SS18L1: variants seen among roughly 807,000 people sequenced by gnomAD.
SS18L1 encodes calcium-responsive transactivator.
SS18L1 carries 32 observed loss-of-function variants against 70.3 expected under a neutral mutation model. That is an observed-to-expected ratio of 0.46 (90% CI 0.34 to 0.61). SS18L1 has a LOEUF of 0.61. Ranked by LOEUF, SS18L1 falls within the 20% of genes least tolerant of loss-of-function variation. SS18L1 has a pLI of 0.01. For missense variants in SS18L1, 430 were observed against 542.1 expected (o/e 0.79, Z 2.05); for synonymous variants, 237 against 229.7 (o/e 1.03, Z -0.29).
chr20:62,152,299 G>A (rs1218204132), intron 1 of SS18L1, among the ~76,000 whole-genome samples: 1 of 152,210 alleles, frequency 6.6e-6, no homozygotes, highest in Non-Finnish European at 1.5e-5. Flanking sequence ...CCAGGCCTAG[G>A]ATGGGCACAT....
chr20:62,161,391 C>T lies in SS18L1; in HGVS notation c.232-45C>T, dbSNP rs1433092727. On this transcript the variant is annotated intron_variant, in intron 3 of 10. Transcript: ENST00000331758. The surrounding 1 kb of genome is among the most constrained non-coding windows in gnomAD (Gnocchi z 4.4). ...TGGCCTGGCTTGTGGAGGTCGCTCT[C>T]CGTAAATTAACCGTTTTTCCCTGAA... is the stretch of plus-strand genomic sequence containing the variant. 1.9e-6 allele frequency: 3 copies of T among 1,612,310 alleles called. No individual in the cohort carries two copies. Among genetic ancestry groups the T allele is most frequent in the East Asian group, 4.5e-5 (2 of 44,852 alleles).
At position 62,163,608 on chromosome 20, in the gene SS18L1, G is replaced by T; in HGVS notation, c.707G>T (p.Arg236Leu). 1.3e-6 allele frequency: 2 copies of T among 1,594,998 alleles called. No homozygotes were observed. The highest frequency in any genetic ancestry group is 1.7e-6 in the Non-Finnish European group (2 of 1,173,724). The change falls in exon 6 of 11, where the codon CGG becomes CTG. Residue 236 changes from arginine (R) to leucine (L), a missense_variant. Coordinates refer to ENST00000331758, the MANE Select transcript of SS18L1 (RefSeq NM_198935.3). ...MMGQRPMAPYRPSQQGSSQQY... is the reference protein window; with the variant it reads ...MMGQRPMAPYLPSQQGSSQQY... ...GGGCAGCGGCCCATGGCGCCCTACCGGCCCTCCCAGCAAGGTAACGCCCGG... is the reference window on the plus strand; with the variant it reads ...GGGCAGCGGCCCATGGCGCCCTACCTGCCCTCCCAGCAAGGTAACGCCCGG...
chr20:62,149,217 C>T (rs541718351), intron 1 of SS18L1, among the ~76,000 whole-genome samples: 61 of 152,324 alleles, frequency 4.0e-4, no homozygotes, highest in African/African-American at 1.5e-3. Flanking sequence ...AGCGGGCTGG[C>T]GCTGATGGAC....
chr20:62,169,027 T>C (rs1454807414), intron 8 of SS18L1, among the ~76,000 whole-genome samples: 1 of 151,316 alleles, frequency 6.6e-6, no homozygotes. Flanking sequence ...ACGGGGTCAC[T>C]TGTGCTGGGC....
At position 62,159,057 on chromosome 20, in the gene SS18L1, C is replaced by G; in HGVS notation, c.146+309C>G. ...CCCCAGCACGGAGGCCAGATATGTC[C>G]CGAGAGTCCCTGGCACAGCTGCGAA... is the stretch of plus-strand genomic sequence containing the variant. On this transcript the variant is annotated intron_variant, in intron 2 of 10. Coordinates refer to ENST00000331758, the MANE Select transcript of SS18L1 (RefSeq NM_198935.3). The surrounding 1 kb of genome is among the most constrained non-coding windows in gnomAD (Gnocchi z 4.4). 6.8e-7 allele frequency: 1 copy of G among 1,460,248 alleles called. No homozygotes were observed. The highest frequency in any genetic ancestry group is 1.1e-5 in the South Asian group (1 of 88,290). The allele number at this position is 1,460,248 out of a possible 1,614,324, so 90.5% of individuals were successfully genotyped here.
Position 62,158,852 on chromosome 20 carries a change from G to A in SS18L1, c.146+104G>A, listed in dbSNP as rs2057272228. 1 of 1,609,998 alleles carries A rather than the reference G, an allele frequency of 6.2e-7. No homozygotes were observed. Among genetic ancestry groups the A allele is most frequent in the African/African-American group, 1.3e-5 (1 of 74,988 alleles). On this transcript the variant is annotated intron_variant, in intron 2 of 10. Transcript: ENST00000331758. This position sits in a 1 kb window ranked among gnomAD's most constrained non-coding sequence, Gnocchi z 4.5. ...GTCCCCCAGCACAGAGATCAGATAA[G>A]TCCCAGGAGTCCCCAGCACGGAGGC...
chr20:62,172,328 GA>G (rs59726721), intron 8 of SS18L1, among the ~76,000 whole-genome samples: 13,204 of 136,938 alleles, frequency 0.096, 1,330 homozygotes, highest in African/African-American at 0.27. Context: ...CCCTGTCTCT[GA>G]AAAAAAAAAA....
rs539707810 is a variant in SS18L1 at position 62,172,742 on chromosome 20, C to T, written c.977C>T (p.Thr326Met). 26 of 1,614,010 alleles carry T rather than the reference C, an allele frequency of 1.6e-5. No homozygotes were observed. Among genetic ancestry groups the T allele is most frequent in the South Asian group, 2.2e-5 (2 of 91,082 alleles). The stretch of plus-strand genomic sequence containing the variant: ...CAGCAGGGTGCCGCGCAGCAGCAGA[C>T]GTACTCCCAGCAGCAGTACCCCAGC... ...GYQQGAAQQQ[T>M]YSQQQYPSQQ... The change falls in exon 9 of 11, where the codon ACG becomes ATG. Residue 326 changes from threonine (T) to methionine (M), a missense_variant. Coordinates refer to ENST00000331758, the MANE Select transcript of SS18L1 (RefSeq NM_198935.3).
At chr20:62,178,530 A>G (rs6142977) in intron 10 of SS18L1, among the ~76,000 whole-genome samples, 11,287 of 152,056 alleles carry the variant, frequency 0.074, 523 homozygotes, top group South Asian at 0.2. Context: ...TCCTGGGCTC[A>G]AGCAGTCCTC....
At chr20:62,175,730 G>C (rs6062119) in intron 10 of SS18L1, among the ~76,000 whole-genome samples, 13,692 of 152,280 alleles carry the variant, frequency 0.09, 754 homozygotes, top group South Asian at 0.2. Flanking sequence ...AGAGGCCAAA[G>C]ACTGTTTTTT....
At chr20:62,168,137 G>C (rs6121935) in intron 8 of SS18L1, among the ~76,000 whole-genome samples, 1 of 151,924 alleles carries the variant, frequency 6.6e-6, no homozygotes, top group African/African-American at 2.4e-5. Context: ...AGGTACTTCC[G>C]TAGCTTGTTG....
At chr20:62,166,120 C>T (rs2057425491) in intron 8 of SS18L1, among the ~76,000 whole-genome samples, 1 of 152,236 alleles carries the variant, frequency 6.6e-6, no homozygotes, top group Non-Finnish European at 1.5e-5. Context: ...AACAGAACAT[C>T]CCAGAATGTG....
chr20:62,149,614 T>G (rs1274588805), intron 1 of SS18L1, among the ~76,000 whole-genome samples: 1 of 152,222 alleles, frequency 6.6e-6, no homozygotes, highest in African/African-American at 2.4e-5. Flanking sequence ...GTGCTTCGCC[T>G]TTCTGTGCCC....
intron 9 of SS18L1, 22 bp downstream of exon 9, chr20:62,172,823 CG>C: frequency 1.2e-6 from 2 of 1,607,666 alleles, no homozygotes; most frequent in Non-Finnish European, 1.7e-6. Flanking sequence ...GCACGGTCCT[CG>C]GGGCCCCCCA....
intron 8 of SS18L1, among the ~76,000 whole-genome samples, chr20:62,170,821 ACT>A (rs1446368817): frequency 1.3e-5 from 2 of 151,088 alleles, no homozygotes; most frequent in Non-Finnish European, 2.9e-5. Context: ...CTGAGCTGGC[ACT>A]CTCACAGTTG....
Position 62,161,249 on chromosome 20 carries a change from A to G in SS18L1, c.232-187A>G, listed in dbSNP as rs769140400. On this transcript the variant is annotated intron_variant, in intron 3 of 10. Coordinates refer to ENST00000331758, the MANE Select transcript of SS18L1 (RefSeq NM_198935.3). The surrounding 1 kb of genome is among the most constrained non-coding windows in gnomAD (Gnocchi z 4.4). ...CGCTCACCCAGATGCTCACTCTGCCATCTCCATCTGGGCCTGGTGCTCTGC... is the reference window on the plus strand; with the variant it reads ...CGCTCACCCAGATGCTCACTCTGCCGTCTCCATCTGGGCCTGGTGCTCTGC... Among the ~76,000 whole-genome samples, 5 of 150,962 alleles carry G rather than the reference A, an allele frequency of 3.3e-5. No homozygotes were observed. The South Asian group carries it at 6.6e-4, about 20-fold the overall frequency.
chr20:62,169,375 C>G (rs1245906317), intron 8 of SS18L1, among the ~76,000 whole-genome samples: 1 of 152,218 alleles, frequency 6.6e-6, no homozygotes, highest in Non-Finnish European at 1.5e-5. Context: ...CTCAGGCAGT[C>G]CAGAGCAGGG....
chr20:62,163,154 C>A (rs1488745964), intron 5 of SS18L1, among the ~76,000 whole-genome samples: 1 of 152,308 alleles, frequency 6.6e-6, no homozygotes, highest in African/African-American at 2.4e-5. Context: ...TTGCGAGGGG[C>A]TGGGGTGTTT....
At chr20:62,172,983 A>G (rs1217746554) in intron 9 of SS18L1, among the ~76,000 whole-genome samples, 182 bp downstream of exon 9, 1 of 152,248 alleles carries the variant, frequency 6.6e-6, no homozygotes, top group Non-Finnish European at 1.5e-5. Flanking sequence ...ACATGTGGGT[A>G]CGTGCCCGGT....
Sources: allele counts gnomAD v4.1 joint callset (sites outside exome capture counted in the v4.1 genomes callset), GRCh38; gene constraint gnomAD v4.1.1; non-coding constraint Gnocchi (gnomAD v3.1); transcripts MANE v1.5; gene names NCBI Gene and HGNC (gene_info 2026-07-23, HGNC 2026-07-21).